The following MINDY4 variants were observed in gnomAD, a reference collection of about 807,000 sequenced individuals.
The protein encoded by MINDY4 is MINDY lysine 48 deubiquitinase 4.
In MINDY4, 68 loss-of-function variants were observed where a neutral mutation model predicts 87.0. That is an observed-to-expected ratio of 0.78 (90% CI 0.64 to 0.96). The LOEUF (loss-of-function observed/expected upper bound fraction) is 0.96. Ranked by LOEUF, MINDY4 falls within the 40% of genes least tolerant of loss-of-function variation. The probability of loss-of-function intolerance (pLI) is 0.00; values close to 1 mark genes in which losing one functional copy is unlikely to be tolerated. For missense variants in MINDY4, 919 were observed against 928.2 expected (o/e 0.99, Z 0.13); for synonymous variants, 379 against 363.2 (o/e 1.04, Z -0.50).
chr7:30,803,655 C>T (rs906113878), intron 5 of MINDY4, among the ~76,000 whole-genome samples: 1 of 152,092 alleles, frequency 6.6e-6, no homozygotes, highest in South Asian at 2.1e-4. Context: ...ACATATTCAT[C>T]ACTCTTCTGT....
At chr7:30,880,015 T>G (rs1351602864) in intron 15 of MINDY4, among the ~76,000 whole-genome samples, 4 of 152,236 alleles carry the variant, frequency 2.6e-5, no homozygotes, top group Admixed American at 6.5e-5. Flanking sequence ...ATTATTTAAT[T>G]AATGTGTCAT....
chr7:30,852,156 G>T, intron 10 of MINDY4, 60 bp from the exon 11 acceptor site: 1 of 1,606,618 alleles, frequency 6.2e-7, no homozygotes, highest in Non-Finnish European at 8.5e-7. Context: ...GTTTCGCCCC[G>T]GCTGGAGGGC....
At chr7:30,859,782 G>A (rs1005383034) in intron 13 of MINDY4, among the ~76,000 whole-genome samples, 2 of 152,180 alleles carry the variant, frequency 1.3e-5, no homozygotes, top group African/African-American at 2.4e-5. Flanking sequence ...GTGAATGGGC[G>A]GTGGCCAGGA....
intron 13 of MINDY4, among the ~76,000 whole-genome samples, chr7:30,865,993 G>C (rs1789922236): frequency 6.6e-6 from 1 of 152,246 alleles, no homozygotes; most frequent in African/African-American, 2.4e-5. Flanking sequence ...TCGCAGTGCA[G>C]CTGGCATGGG....
At chr7:30,883,871 T>G (rs146880332) in intron 17 of MINDY4, among the ~76,000 whole-genome samples, 2 of 152,152 alleles carry the variant, frequency 1.3e-5, no homozygotes, top group East Asian at 3.9e-4. Context: ...TGTTGCTGCT[T>G]CTTGGTGTGA....
chr7:30,815,702 G>A (rs62446949), intron 5 of MINDY4, among the ~76,000 whole-genome samples: 28,444 of 152,002 alleles, frequency 0.19, 3,400 homozygotes, highest in African/African-American at 0.33. Flanking sequence ...CTCTCCCTGG[G>A]GTAACATCAC....
intron 9 of MINDY4, among the ~76,000 whole-genome samples, chr7:30,848,367 G>T (rs1018033431): frequency 1.3e-5 from 2 of 152,204 alleles, no homozygotes; most frequent in African/African-American, 2.4e-5. Flanking sequence ...TGAACTGAGG[G>T]CAGAACACCC....
intron 1 of MINDY4, among the ~76,000 whole-genome samples, chr7:30,772,297 A>G (rs1273689122): frequency 6.6e-6 from 1 of 152,130 alleles, no homozygotes; most frequent in African/African-American, 2.4e-5. Context: ...ATACTGGGCT[A>G]GGGCGATGGG....
intron 4 of MINDY4, among the ~76,000 whole-genome samples, chr7:30,788,064 G>A (rs1200905673): frequency 6.6e-6 from 1 of 152,096 alleles, no homozygotes; most frequent in African/African-American, 2.4e-5. Context: ...TTTTTTTGCA[G>A]ATCTCTTTAA....
chr7:30,784,723 G>C (rs1787104220), intron 3 of MINDY4, among the ~76,000 whole-genome samples: 1 of 152,154 alleles, frequency 6.6e-6, no homozygotes, highest in South Asian at 2.1e-4. Context: ...TTCTCTGGGA[G>C]CCCTTCAGAA....
intron 17 of MINDY4, among the ~76,000 whole-genome samples, chr7:30,885,982 C>T (rs1285500699): frequency 6.6e-6 from 1 of 152,168 alleles, no homozygotes; most frequent in Non-Finnish European, 1.5e-5. Flanking sequence ...AACACTGCCC[C>T]CATACCCACC....
At chr7:30,883,737 G>A (rs370534660) in intron 17 of MINDY4, among the ~76,000 whole-genome samples, 58 of 152,278 alleles carry the variant, frequency 3.8e-4, no homozygotes, top group African/African-American at 1.3e-3. Context: ...AGGCCTCAGC[G>A]TGCATGAGAG....
chr7:30,775,951 G>C (rs1786797959), intron 1 of MINDY4, among the ~76,000 whole-genome samples: 1 of 152,016 alleles, frequency 6.6e-6, no homozygotes, highest in Non-Finnish European at 1.5e-5. Flanking sequence ...TTCCTTTCTT[G>C]TGCACCTCAT....
chr7:30,844,059 G>T (rs1385494973), intron 9 of MINDY4, among the ~76,000 whole-genome samples: 5 of 152,156 alleles, frequency 3.3e-5, no homozygotes, highest in African/African-American at 1.2e-4. Flanking sequence ...TTTGTTTGGA[G>T]CCCTGCAACT....
rs200489033 is a variant in MINDY4 at position 30,829,915 on chromosome 7, A to AGT, written c.1132+1188_1132+1189dup. 4.3e-3 allele frequency among the ~76,000 whole-genome samples: 656 copies of AGT among 152,250 alleles called. 7 individuals are homozygous for AGT. The highest frequency in any genetic ancestry group is 0.014 in the African/African-American group (574 of 41,552). On this transcript the variant is annotated intron_variant, in intron 6 of 17. Coordinates refer to ENST00000265299, the MANE Select transcript of MINDY4 (RefSeq NM_032222.3). ...GCAATTCTCAGAAGCAGCTGTTTGA[A>AGT]GTGTGTGTGTGCATGTTTTCTGGAG...
At position 30,785,835 on chromosome 7, in the gene MINDY4, C is replaced by T. The variant is rs111491161; in HGVS notation, c.506C>T (p.Pro169Leu). 492 of 1,614,210 alleles carry T rather than the reference C, an allele frequency of 3.0e-4. No homozygotes were observed. The highest frequency in any genetic ancestry group is 8.2e-4 in the South Asian group (75 of 91,076). Residue 169 changes from proline (P) to leucine (L), a missense_variant, in exon 4 of 18, where the codon CCG becomes CTG. Coordinates refer to ENST00000265299, the MANE Select transcript of MINDY4 (RefSeq NM_032222.3). ...PHKSKPMQTV[P>L]GETPVLTSAW... Reference sequence around the variant, plus strand: ...AAAAGTAAGCCCATGCAGACGGTCCCGGGTGAAACTCCTGTGTTGACTTCT... The same window carrying T: ...AAAAGTAAGCCCATGCAGACGGTCCTGGGTGAAACTCCTGTGTTGACTTCT...
At chr7:30,815,653 G>C (rs77451095) in intron 5 of MINDY4, among the ~76,000 whole-genome samples, 5,645 of 152,284 alleles carry the variant, frequency 0.037, 176 homozygotes, top group Non-Finnish European at 0.055. Context: ...CCAGAGACAT[G>C]CTTCATAGAG....
chr7:30,814,259 T>G (rs866322713), intron 5 of MINDY4, among the ~76,000 whole-genome samples: 1 of 152,206 alleles, frequency 6.6e-6, no homozygotes, highest in African/African-American at 2.4e-5. Flanking sequence ...TTAAGCTTCA[T>G]TAGCTTCATG....
chr7:30,873,712 G>A (rs140107267), intron 14 of MINDY4, among the ~76,000 whole-genome samples: 1 of 152,324 alleles, frequency 6.6e-6, no homozygotes, highest in African/African-American at 2.4e-5. Context: ...ACCATCTCAA[G>A]AAGGCTTCCT....
Sources: gnomAD v4.1 joint callset for allele counts (sites outside exome capture counted in the v4.1 genomes callset) on GRCh38, gnomAD v4.1.1 for gene constraint, MANE v1.5 for transcripts, NCBI Gene and HGNC (gene_info 2026-07-23, HGNC 2026-07-21) for gene names.